Variants in TBC1D19 observed in about 807,000 individuals in gnomAD.
The protein encoded by TBC1D19 is TBC1 domain family, member 19.
Under a neutral mutation model 89.0 loss-of-function variants are expected in TBC1D19, and 60 were observed. The ratio of observed to expected loss-of-function variants is 0.67; its 90% CI spans 0.55 to 0.84. The LOEUF is 0.84. TBC1D19 is among the 40% of genes least tolerant of loss of function. The pLI is 0.00. For missense variants in TBC1D19, 500 were observed against 610.8 expected (o/e 0.82, Z 1.91); for synonymous variants, 189 against 199.7 (o/e 0.95, Z 0.45).
intron 7 of TBC1D19, among the ~76,000 whole-genome samples, chr4:26,658,888 C>T (rs1745047080): frequency 6.6e-6 from 1 of 152,036 alleles, no homozygotes; most frequent in South Asian, 2.1e-4. Context: ...CTCTGTTTGT[C>T]TGTTATTGGT....
At chr4:26,601,997 T>C (rs1740637678) in intron 1 of TBC1D19, among the ~76,000 whole-genome samples, 1 of 152,204 alleles carries the variant, frequency 6.6e-6, no homozygotes, top group Non-Finnish European at 1.5e-5. Flanking sequence ...GTTTTAAAAT[T>C]GGCTATCTTG....
chr4:26,673,440 T>TACACACACACAC (rs1186152445), intron 10 of TBC1D19, among the ~76,000 whole-genome samples: 474 of 16,538 alleles, frequency 0.029, 3 homozygotes, highest in African/African-American at 0.058. Flanking sequence ...TATATATATA[T>TACACACACACAC]ATATATACAC....
At chr4:26,724,585 T>C (rs1183085969) in intron 15 of TBC1D19, among the ~76,000 whole-genome samples, 1 of 152,218 alleles carries the variant, frequency 6.6e-6, no homozygotes, top group Non-Finnish European at 1.5e-5. Flanking sequence ...AACAGTCAGC[T>C]AGTGATTTGA....
intron 7 of TBC1D19, 62 bp downstream of exon 7, chr4:26,640,249 G>A (rs1743410901): frequency 7.4e-7 from 1 of 1,343,526 alleles, no homozygotes; most frequent in South Asian, 1.2e-5. Context: ...AAATGATGAT[G>A]TAAAAATATA....
chr4:26,817,028 T>C, the TBC1D19 span, among the ~76,000 whole-genome samples: 1 of 152,222 alleles, frequency 6.6e-6, no homozygotes. Flanking sequence ...GCTACTTTAG[T>C]AGGAGCAGAG....
Position 26,676,586 on chromosome 4 carries a change from G to A in TBC1D19, c.816+2698G>A, listed in dbSNP as rs182078762. Among the ~76,000 whole-genome samples the A allele has an allele frequency of 1.9e-4, 29 of 152,124 alleles. 1 individual carries two copies. The highest frequency in any genetic ancestry group is 6.3e-4 in the African/African-American group (26 of 41,498). On this transcript the variant is annotated intron_variant, in intron 11 of 20. Coordinates refer to ENST00000264866, the MANE Select transcript of TBC1D19 (RefSeq NM_018317.4). ...TACAAAAAATTAGCCAGGCATGGTA[G>A]TGCATGCCTGTAATCCCAGCTACTT...
At chr4:26,748,845 G>A (rs918590060) in intron 19 of TBC1D19, among the ~76,000 whole-genome samples, 3 of 152,120 alleles carry the variant, frequency 2.0e-5, no homozygotes, top group African/African-American at 4.8e-5. Context: ...GTGCAGCAGA[G>A]TGTAGATATA....
the TBC1D19 span, among the ~76,000 whole-genome samples, chr4:26,792,790 A>G: frequency 2.0e-5 from 3 of 152,354 alleles, no homozygotes; most frequent in Admixed American, 1.3e-4. Flanking sequence ...AAGGCTATGC[A>G]TACACTAGTC....
intron 4 of TBC1D19, among the ~76,000 whole-genome samples, chr4:26,627,825 A>ATT (rs1337500710): frequency 6.6e-6 from 1 of 151,796 alleles, no homozygotes; most frequent in Non-Finnish European, 1.5e-5. Flanking sequence ...ATTTTCTCCC[A>ATT]TTTTGTAGGT....
upstream of TBC1D19, among the ~76,000 whole-genome samples, chr4:26,580,585 G>A (rs560273069): frequency 2.0e-5 from 3 of 152,302 alleles, no homozygotes; most frequent in South Asian, 6.2e-4. Flanking sequence ...CCTGTGACAT[G>A]TGTGATACAC....
In TBC1D19 at chr4:26,683,678, G is replaced by A. The variant is rs771133814; in HGVS notation, c.820G>A (p.Val274Ile). 3.7e-5 allele frequency: 59 copies of A among 1,609,700 alleles called. No homozygotes were observed. Among genetic ancestry groups the A allele is most frequent in the Non-Finnish European group, 4.8e-5 (57 of 1,178,436 alleles). ...ILNISSQPEDVLYYEQLKTNV... is the reference protein window; with the variant it reads ...ILNISSQPEDILYYEQLKTNV... ...TTTGTTTTACTTTTAAATTTAGGAT[G>A]TCTTGTATTATGAGCAGCTTAAGAC... The change falls in exon 12 of 21, where the codon GTC becomes ATC. Residue 274 changes from valine to isoleucine, a missense_variant. Physicochemically the swap from Val to Ile is conservative, Grantham distance 29. This residue lies in a region of TBC1D19 where 220 missense variants were observed against 319.1 expected (regional missense o/e 0.69). Transcript: ENST00000264866.
intron 13 of TBC1D19, among the ~76,000 whole-genome samples, chr4:26,701,720 ATTAG>A (rs1715349666): frequency 6.6e-6 from 1 of 152,066 alleles, no homozygotes; most frequent in Non-Finnish European, 1.5e-5. Context: ...TCATAAACAG[ATTAG>A]TTAATGTCAC....
chr4:26,798,109 AC>A, the TBC1D19 span, among the ~76,000 whole-genome samples: 1 of 152,182 alleles, frequency 6.6e-6, no homozygotes, highest in African/African-American at 2.4e-5. Context: ...TAAACAGACA[AC>A]CTATAGAATG....
At position 26,735,045 on chromosome 4, in the gene TBC1D19, C is replaced by CACACATGTATATATGTATATATGTAT. The variant is rs1560504053; in HGVS notation, c.1085-390_1085-365dup. Reference sequence around the variant, plus strand: ...ACACATGTATATATGTATATGTGTACACACATGTATATATGTATATATGTA... The same window carrying CACACATGTATATATGTATATATGTAT: ...ACACATGTATATATGTATATGTGTACACACATGTATATATGTATATATGTATACACATGTATATATGTATATATGTA... On this transcript the variant is annotated intron_variant, in intron 15 of 20. Coordinates refer to ENST00000264866, the MANE Select transcript of TBC1D19 (RefSeq NM_018317.4). Among the ~76,000 whole-genome samples, 5 of 91,236 alleles carry CACACATGTATATATGTATATATGTAT rather than the reference C, an allele frequency of 5.5e-5. No homozygotes were observed. In the East Asian group the frequency reaches 1.0e-3, roughly 19 times the overall value. The allele number at this position is 91,236 out of a possible 152,430, so 59.9% of individuals were successfully genotyped here.
chr4:26,857,416 C>G, the TBC1D19 span, among the ~76,000 whole-genome samples: 1 of 152,230 alleles, frequency 6.6e-6, no homozygotes, highest in Admixed American at 6.5e-5. Context: ...GCAGGGAAGT[C>G]AAAGACGGGA....
intron 18 of TBC1D19, among the ~76,000 whole-genome samples, chr4:26,746,237 T>A (rs1718640733): frequency 6.6e-6 from 1 of 151,486 alleles, no homozygotes. Flanking sequence ...GGTCTATTTT[T>A]TTTTTTTTTT....
At chr4:26,696,029 G>A (rs1192385931) in intron 13 of TBC1D19, among the ~76,000 whole-genome samples, 1 of 152,186 alleles carries the variant, frequency 6.6e-6, no homozygotes, top group African/African-American at 2.4e-5. Flanking sequence ...AAATGTCAAT[G>A]GGCTAAATGC....
chr4:26,645,080 C>G (rs1302680582), intron 7 of TBC1D19, among the ~76,000 whole-genome samples: 1 of 152,106 alleles, frequency 6.6e-6, no homozygotes, highest in African/African-American at 2.4e-5. Flanking sequence ...CCATACTGCC[C>G]AAAGTAATTT....
intron 7 of TBC1D19, among the ~76,000 whole-genome samples, chr4:26,641,658 C>T (rs1285869456): frequency 6.6e-6 from 1 of 152,076 alleles, no homozygotes; most frequent in Non-Finnish European, 1.5e-5. Flanking sequence ...TCGAACCCAT[C>T]ACAAGGAAGC....
Sources: allele counts gnomAD v4.1 joint callset (sites outside exome capture counted in the v4.1 genomes callset), GRCh38; gene constraint gnomAD v4.1.1; regional missense constraint gnomAD v4.1.1; transcripts MANE v1.5; gene names NCBI Gene and HGNC (gene_info 2026-07-23, HGNC 2026-07-21).